Variants in EPS8 observed in about 807,000 individuals in gnomAD.
The protein encoded by EPS8 is epidermal growth factor receptor kinase substrate 8.
EPS8 carries 42 observed loss-of-function variants against 103.8 expected under a neutral mutation model. That is an observed-to-expected ratio of 0.40 (90% confidence interval 0.32 to 0.52). The LOEUF is 0.52. EPS8 is among the 20% of genes least tolerant of loss of function. EPS8 has a pLI of 0.40. For missense variants in EPS8, 969 were observed against 1,005.1 expected (o/e 0.96, Z 0.49); for synonymous variants, 344 against 344.6 (o/e 1.00, Z 0.02).
At chr12:15,689,969 A>G (rs953205553) in intron 1 of EPS8, among the ~76,000 whole-genome samples, 2 of 152,184 alleles carry the variant, frequency 1.3e-5, no homozygotes, top group African/African-American at 4.8e-5. Context: ...GGTGTATTAA[A>G]TGGCATCTAA....
chr12:15,766,551 T>G (rs897333780), intron 1 of EPS8, among the ~76,000 whole-genome samples: 5 of 145,352 alleles, frequency 3.4e-5, no homozygotes, highest in African/African-American at 1.3e-4. Context: ...AATGTGGGGC[T>G]CCTGTAATCC....
intron 1 of EPS8, among the ~76,000 whole-genome samples, chr12:15,786,664 G>T (rs1053471677): frequency 2.0e-5 from 3 of 152,018 alleles, no homozygotes; most frequent in African/African-American, 7.2e-5. Context: ...GAGAAATAAG[G>T]TCTATTTTTT....
At chr12:15,763,774 A>G (rs1488791963) in intron 1 of EPS8, among the ~76,000 whole-genome samples, 1 of 152,202 alleles carries the variant, frequency 6.6e-6, no homozygotes, top group Non-Finnish European at 1.5e-5. Context: ...TACTCTAGAC[A>G]TCAAAATCAC....
rs1302946112 is a variant in EPS8 at position 15,735,504 on chromosome 12, C to T, written c.-21-52532G>A. Among the ~76,000 whole-genome samples, 1 of 152,180 alleles carries T rather than the reference C, an allele frequency of 6.6e-6. No homozygotes were observed. The highest frequency in any genetic ancestry group is 2.4e-5 in the African/African-American group (1 of 41,456). ...CCCTAGGAAGTACTGAAAAAGCTAA[C>T]ATTCTAAGATTAAAACTATGATTTG... On this transcript the variant is annotated intron_variant, in intron 1 of 20. Transcript: ENST00000281172. This position sits in a 1 kb window ranked among gnomAD's most constrained non-coding sequence, Gnocchi z 4.4.
rs202058332 is a variant in EPS8 at position 15,647,083 on chromosome 12, G to A, written c.1568+44C>T. ...TCACCTCTGTTAGCACTAGATCAGA[G>A]ACATTTATCCACAGCTCTCCAAAGG... On this transcript the variant is annotated intron_variant, in intron 15 of 20. Coordinates refer to ENST00000281172, the MANE Select transcript of EPS8 (RefSeq NM_004447.6). 4.9e-5 allele frequency: 77 copies of A among 1,578,910 alleles called. 1 individual carries two copies. The African/African-American group carries it at 9.8e-4, about 20-fold the overall frequency.
intron 1 of EPS8, among the ~76,000 whole-genome samples, chr12:15,711,717 T>C (rs774165892): frequency 6.6e-6 from 1 of 152,334 alleles, no homozygotes; most frequent in South Asian, 2.1e-4. Context: ...AAAAGCTGTA[T>C]ACAATATTTC....
At position 15,627,457 on chromosome 12, in the gene EPS8, T is replaced by C. The variant is rs192595213; in HGVS notation, c.2045-3050A>G. Among the ~76,000 whole-genome samples, 3 of 152,356 alleles carry C rather than the reference T, an allele frequency of 2.0e-5. No homozygotes were observed. In the East Asian group the frequency reaches 5.8e-4, roughly 29 times the overall value. The stretch of plus-strand genomic sequence containing the variant: ...GTTGAATAAATGAATGAATGAGGCA[T>C]TCTGCTGACTTTTTCACCGAGACTT... On this transcript the variant is annotated intron_variant, in intron 18 of 20. Transcript: ENST00000281172.
rs537195324 is a variant in EPS8, at chr12:15,742,999, C to A, written c.-22+46162G>T. 1.2e-4 allele frequency among the ~76,000 whole-genome samples: 18 copies of A among 152,270 alleles called. No individual in the cohort carries two copies. The South Asian group carries it at 1.9e-3, about 16-fold the overall frequency. ...CCCTGTTTGCAGATGACATGATTGTCTATCTAGAAAACCCCATCGTCTCAG... is the reference window on the plus strand; with the variant it reads ...CCCTGTTTGCAGATGACATGATTGTATATCTAGAAAACCCCATCGTCTCAG... On this transcript the variant is annotated intron_variant, in intron 1 of 20. Coordinates refer to ENST00000281172, the MANE Select transcript of EPS8 (RefSeq NM_004447.6).
chr12:15,662,322 T>C (rs924733668), intron 8 of EPS8: 3 of 1,287,008 alleles, frequency 2.3e-6, no homozygotes, highest in Admixed American at 3.6e-5. Flanking sequence ...CTCAACTTTA[T>C]GATGTTAATT....
intron 12 of EPS8, among the ~76,000 whole-genome samples, chr12:15,656,123 T>C (rs938144701): frequency 2.0e-5 from 3 of 152,196 alleles, no homozygotes; most frequent in African/African-American, 7.2e-5. Context: ...TTCTGTGTAA[T>C]GACTAGATAT....
intron 14 of EPS8, among the ~76,000 whole-genome samples, chr12:15,650,191 C>T (rs959223208): frequency 3.3e-5 from 5 of 152,094 alleles, no homozygotes; most frequent in African/African-American, 1.2e-4. Context: ...TTAAGATCTC[C>T]TCAAGGTGTA....
intron 1 of EPS8, among the ~76,000 whole-genome samples, chr12:15,726,383 A>C (rs544564494): frequency 6.6e-6 from 1 of 152,292 alleles, no homozygotes; most frequent in East Asian, 1.9e-4. Flanking sequence ...CAAGGAAGAA[A>C]ATCTTAAAAA....
At chr12:15,658,418 T>C in intron 11 of EPS8, 79 bp downstream of exon 11, 2 of 1,043,320 alleles carry the variant, frequency 1.9e-6, no homozygotes, top group Non-Finnish European at 2.9e-6. Context: ...TATTTCTTAA[T>C]TTAATCAGAA....
intron 1 of EPS8, among the ~76,000 whole-genome samples, chr12:15,692,057 C>T (rs1407124969): frequency 1.3e-5 from 2 of 152,100 alleles, no homozygotes; most frequent in African/African-American, 4.8e-5. Context: ...GCTTTCATCA[C>T]GGGATCCACA....
Position 15,688,703 on chromosome 12 carries a change from G to A in EPS8, c.-21-5731C>T, listed in dbSNP as rs142305532. Among the ~76,000 whole-genome samples the A allele has an allele frequency of 5.0e-4, 76 of 152,188 alleles. No individual in the cohort carries two copies. Among genetic ancestry groups the A allele is most frequent in the African/African-American group, 1.8e-3 (76 of 41,522 alleles). On this transcript the variant is annotated intron_variant, in intron 1 of 20. Coordinates refer to ENST00000281172, the MANE Select transcript of EPS8 (RefSeq NM_004447.6). This position sits in a 1 kb window ranked among gnomAD's most constrained non-coding sequence, Gnocchi z 5.1. ...CCCTTGTGGCTCCCCCATCTGCTGA[G>A]AGCTACCTCCACTCAATAAAACCCT...
chr12:15,783,311 A>C (rs1298709706), intron 1 of EPS8, among the ~76,000 whole-genome samples: 2 of 152,226 alleles, frequency 1.3e-5, no homozygotes, highest in African/African-American at 4.8e-5. Flanking sequence ...TATAATATAC[A>C]AAATGTGTGT....
At chr12:15,788,645 G>A (rs1288893813) in intron 1 of EPS8, among the ~76,000 whole-genome samples, 1 of 152,196 alleles carries the variant, frequency 6.6e-6, no homozygotes, top group East Asian at 1.9e-4. Context: ...ATTAGGCATT[G>A]ACAACGATTC....
At chr12:15,679,671 G>A (rs1362246950) in intron 3 of EPS8, among the ~76,000 whole-genome samples, 1 of 152,116 alleles carries the variant, frequency 6.6e-6, no homozygotes, top group Non-Finnish European at 1.5e-5. Context: ...CCTCACCAGT[G>A]CACCTCCTAC....
At chr12:15,783,843 T>C (rs1046695509) in intron 1 of EPS8, among the ~76,000 whole-genome samples, 37 of 152,178 alleles carry the variant, frequency 2.4e-4, no homozygotes, top group African/African-American at 8.4e-4. Flanking sequence ...CAGTAAGTAA[T>C]TTTGCAGAAC....
Sources: allele counts gnomAD v4.1 joint callset (sites outside exome capture counted in the v4.1 genomes callset), GRCh38; gene constraint gnomAD v4.1.1; non-coding constraint Gnocchi (gnomAD v3.1); transcripts MANE v1.5; gene names NCBI Gene and HGNC (gene_info 2026-07-23, HGNC 2026-07-21).